Variants in NCAPD2 observed in about 807,000 individuals in gnomAD.
NCAPD2 encodes condensin complex subunit 1.
In NCAPD2, 100 loss-of-function variants were observed where a neutral mutation model predicts 164.5. The ratio of observed to expected loss-of-function variants is 0.61; its 90% CI spans 0.52 to 0.72. The LOEUF (loss-of-function observed/expected upper bound fraction) is 0.72, where lower values mean the gene tolerates loss of function less well. Among genes scored for constraint, NCAPD2 ranks in the 30% least tolerant of loss-of-function variants. The pLI is 0.00. For synonymous variants in NCAPD2, 585 were observed against 642.6 expected (o/e 0.91, Z 1.36); for missense variants, 1,560 against 1,749.2 (o/e 0.89, Z 1.93).
chr12:6,504,196 T>C (rs867197558), intron 2 of NCAPD2, among the ~76,000 whole-genome samples: 13 of 92,860 alleles, frequency 1.4e-4, no homozygotes, highest in Non-Finnish European at 1.8e-4. Context: ...TATATATATA[T>C]ATATATATAT....
In NCAPD2 at chr12:6,523,398, G is replaced by GGTT. The variant is rs758507718; in HGVS notation, c.2214+52_2214+53insGTT. ...TATTCATTCAACAAGTATTTTGGTT[G>GGTT]TTTTTTTTTTTTTTTTTGAGACGGA... is the stretch of plus-strand genomic sequence containing the variant. On this transcript the variant is annotated intron_variant, in intron 17 of 31. Coordinates refer to ENST00000315579, the MANE Select transcript of NCAPD2 (RefSeq NM_014865.4). The GGTT allele has an allele frequency of 4.4e-5, 38 of 873,350 alleles. No homozygotes were observed. In the Middle Eastern group the frequency reaches 1.1e-3, roughly 25 times the overall value. The allele number at this position is 873,350 out of a possible 1,614,324, so 54.1% of individuals were successfully genotyped here. A position where few individuals can be genotyped will look rare whatever the true frequency, so the allele number is the denominator to read the frequency against.
Position 6,506,482 on chromosome 12 carries a change from C to T in NCAPD2, c.128-3235C>T, listed in dbSNP as rs948376452. Among the ~76,000 whole-genome samples the T allele has an allele frequency of 1.3e-4, 20 of 151,382 alleles. No individual in the cohort carries two copies. In the East Asian group the frequency reaches 2.9e-3, roughly 22 times the overall value. ...GCGGGCGCCGGTAGTCCCAGCTACT[C>T]GGGAGGCTGAGGCAGGAGAGTGGCG... is the stretch of plus-strand genomic sequence containing the variant. On this transcript the variant is annotated intron_variant, in intron 2 of 31. Coordinates refer to ENST00000315579, the MANE Select transcript of NCAPD2 (RefSeq NM_014865.4).
intron 2 of NCAPD2, among the ~76,000 whole-genome samples, chr12:6,504,206 T>TACACACATATATAC (rs1345172579): frequency 4.0e-5 from 1 of 25,242 alleles, no homozygotes; most frequent in African/African-American, 3.5e-4. Context: ...TATATATATA[T>TACACACATATATAC]ATATATATAT....
rs144221350 is a variant in NCAPD2 at position 6,495,106 on chromosome 12, C to T, written c.8C>T (p.Pro3Leu). MA[P>L]QMYEFHLPLS... ...TGAGCCTGTAGGAGTAGAATGGCTCCCCAAATGTATGAGTTCCATCTGCCA... is the reference window on the plus strand; with the variant it reads ...TGAGCCTGTAGGAGTAGAATGGCTCTCCAAATGTATGAGTTCCATCTGCCA... The change falls in exon 2 of 32, where the codon CCC becomes CTC. Residue 3 changes from proline (P) to leucine (L), a missense_variant. Pro to Leu is a moderately conservative substitution (Grantham distance 98). Coordinates refer to ENST00000315579, the MANE Select transcript of NCAPD2 (RefSeq NM_014865.4). 2 of 1,613,976 alleles carry T rather than the reference C, an allele frequency of 1.2e-6. No homozygotes were observed. The highest frequency in any genetic ancestry group is 1.3e-5 in the African/African-American group (1 of 74,914).
Position 6,494,131 on chromosome 12 carries a change from CAG to C in NCAPD2, c.-44_-43del, listed in dbSNP as rs770007061. 6.6e-6 allele frequency: 1 copy of C among 152,342 alleles called. No individual in the cohort carries two copies. Among genetic ancestry groups the C allele is most frequent in the Non-Finnish European group, 1.5e-5 (1 of 68,096 alleles). 9.4% of individuals were successfully genotyped at this position (152,342 alleles called of 1,614,324 possible). A position where few individuals can be genotyped will look rare whatever the true frequency, so the allele number is the denominator to read the frequency against. ...TTCATTTCAGCCTGACTGCCGGAAT[CAG>C]AGCCGCGGGTGAGATCCCCAGGTAA... On this transcript the variant is annotated 5_prime_UTR_variant, in exon 1 of 32. Transcript: ENST00000315579.
At chr12:6,519,112 A>T (rs1449367155) in intron 13 of NCAPD2, among the ~76,000 whole-genome samples, 1 of 151,570 alleles carries the variant, frequency 6.6e-6, no homozygotes, top group South Asian at 2.1e-4. Flanking sequence ...GGATGGTCTC[A>T]ATCTCCTGAC....
At chr12:6,525,834 T>C in intron 18 of NCAPD2, 118 bp downstream of exon 18, 16 of 1,385,454 alleles carry the variant, frequency 1.2e-5, no homozygotes, top group Non-Finnish European at 1.6e-5. Flanking sequence ...CTGTGAGTTA[T>C]AACGCCACCT....
chr12:6,517,424 C>T lies in NCAPD2; in HGVS notation c.1245C>T (p.Asp415=), dbSNP rs1161362028. The change falls in exon 11 of 32, where the codon GAC becomes GAT. Residue 415 remains aspartate (D), a synonymous_variant. Transcript: ENST00000315579. Reference sequence around the variant, plus strand: ...CTTTAGCTGTGGGACGTCTGGCAGACAAGTCAGTGCTAGTATGTAAAAATG... The same window carrying T: ...CTTTAGCTGTGGGACGTCTGGCAGATAAGTCAGTGCTAGTATGTAAAAATG... The part of the protein sequence containing the change: ...VVALAVGRLA[D]KSVLVCKNAI... 6.2e-7 allele frequency: 1 copy of T among 1,614,102 alleles called. No homozygotes were observed. Among genetic ancestry groups the T allele is most frequent in the Non-Finnish European group, 8.5e-7 (1 of 1,180,042 alleles).
intron 4 of NCAPD2, 91 bp downstream of exon 4, chr12:6,510,224 C>T: frequency 7.4e-7 from 1 of 1,342,398 alleles, no homozygotes; most frequent in East Asian, 2.3e-5. Context: ...TTTTGTCAGC[C>T]ACATGATGAT....
At chr12:6,521,659 C>A in intron 14 of NCAPD2, 139 bp from the exon 15 acceptor site, 2 of 1,093,254 alleles carry the variant, frequency 1.8e-6, no homozygotes, top group Non-Finnish European at 2.6e-6. Flanking sequence ...ACTGCACAGC[C>A]TAGGCAACAG....
intron 13 of NCAPD2, among the ~76,000 whole-genome samples, chr12:6,519,125 C>T (rs1946240456): frequency 6.6e-6 from 1 of 151,778 alleles, no homozygotes; most frequent in South Asian, 2.1e-4. Flanking sequence ...CTCCTGACCT[C>T]GTGATCCGCC....
intron 17 of NCAPD2, among the ~76,000 whole-genome samples, chr12:6,524,108 G>A (rs1047721991): frequency 3.3e-5 from 5 of 152,136 alleles, no homozygotes; most frequent in Non-Finnish European, 5.9e-5. Context: ...CAGGCAATAA[G>A]AGCTCTAGAA....
At position 6,528,501 on chromosome 12, in the gene NCAPD2, C is replaced by T; in HGVS notation, c.3299+173C>T. On this transcript the variant is annotated intron_variant, in intron 25 of 31. Transcript: ENST00000315579. This position sits in a 1 kb window ranked among gnomAD's most constrained non-coding sequence, Gnocchi z 5.1. ...AAGAGTCACCCCAGTGGGACTGACA[C>T]TTCTGGTTAGAAGCTTCACCTCTTT... is the stretch of plus-strand genomic sequence containing the variant. The T allele has an allele frequency of 8.8e-7, 1 of 1,135,848 alleles. No individual in the cohort carries two copies. The highest frequency in any genetic ancestry group is 1.2e-6 in the Non-Finnish European group (1 of 800,490). The allele number at this position is 1,135,848 out of a possible 1,614,324, so 70.4% of individuals were successfully genotyped here.
rs746054013 is a variant in NCAPD2 at position 6,511,210 on chromosome 12, G to A, written c.545G>A (p.Arg182His). The change falls in exon 6 of 32, where the codon CGT becomes CAT. Residue 182 changes from arginine (R) to histidine (H), a missense_variant. By Grantham distance (29) the Arg-to-His change is conservative. Coordinates refer to ENST00000315579, the MANE Select transcript of NCAPD2 (RefSeq NM_014865.4). The stretch of plus-strand genomic sequence containing the variant: ...ACACAGCTACTTCAGTTGGACATCC[G>A]TCACCTGTGGAACCACTCAATAATT... Reference protein sequence around the residue: ...LLTQLLQLDIRHLWNHSIIEE... With the variant: ...LLTQLLQLDIHHLWNHSIIEE... 1.5e-5 allele frequency: 25 copies of A among 1,614,090 alleles called. No homozygotes were observed. In the South Asian group the frequency reaches 2.1e-4, roughly 13 times the overall value.
intron 2 of NCAPD2, among the ~76,000 whole-genome samples, chr12:6,500,636 C>T (rs756534414): frequency 6.6e-6 from 1 of 152,184 alleles, no homozygotes; most frequent in African/African-American, 2.4e-5. Context: ...GATGTCAAAG[C>T]TGCTGAATCA....
chr12:6,496,375 C>G (rs7961278), intron 2 of NCAPD2, among the ~76,000 whole-genome samples: 54,117 of 152,014 alleles, frequency 0.36, 10,471 homozygotes, highest in African/African-American at 0.52. Flanking sequence ...GCAGCTTCTT[C>G]CTCTAATGTC....
At chr12:6,526,257 C>A in intron 19 of NCAPD2, 30 bp from the exon 20 acceptor site, 6 of 1,614,134 alleles carry the variant, frequency 3.7e-6, no homozygotes, top group Non-Finnish European at 5.1e-6. Context: ...CCACCCTGTA[C>A]ACACACCCAC....
chr12:6,505,220 C>T (rs142924605), intron 2 of NCAPD2, among the ~76,000 whole-genome samples: 3,982 of 152,176 alleles, frequency 0.026, 180 homozygotes, highest in African/African-American at 0.09. Flanking sequence ...GCATGCACCA[C>T]CATGCCTGGC....
At chr12:6,513,715 C>CTTTTTTTTTGTTTTTTTTTTTTTT (rs1946172182) in intron 6 of NCAPD2, among the ~76,000 whole-genome samples, 1 of 74,894 alleles carries the variant, frequency 1.3e-5, no homozygotes, top group Non-Finnish European at 2.5e-5. Context: ...GTGACTTTGT[C>CTTTTTTTTTGTTTTTTTTTTTTTT]TTTTTTTTTT....
Sources: allele counts gnomAD v4.1 joint callset (sites outside exome capture counted in the v4.1 genomes callset), GRCh38; gene constraint gnomAD v4.1.1; non-coding constraint Gnocchi (gnomAD v3.1); transcripts MANE v1.5; gene names NCBI Gene and HGNC (gene_info 2026-07-23, HGNC 2026-07-21).